GHR: variants seen among roughly 807,000 people sequenced by gnomAD.
GHR encodes growth hormone receptor, also known as GH receptor.
A neutral mutation model predicts 67.1 loss-of-function variants in GHR; 35 were observed. The observed-to-expected ratio is 0.52, with a 90% CI of 0.40 to 0.69. The LOEUF is 0.69. Ranked by LOEUF, GHR falls within the 30% of genes least tolerant of loss-of-function variation. GHR has a pLI of 0.00. For synonymous variants in GHR, 272 were observed against 269.1 expected, an observed-to-expected ratio of 1.01 and a Z score of -0.10; for missense variants, 792 against 764.6, an observed-to-expected ratio of 1.04 and a Z score of -0.42.
chr5:42,581,033 A>G (rs991800018), intron 2 of GHR, among the ~76,000 whole-genome samples: 2 of 152,218 alleles, frequency 1.3e-5, no homozygotes, highest in African/African-American at 2.4e-5. Context: ...AAAGATGAGG[A>G]TGCGTCTCTT....
chr5:42,572,103 C>A (rs898187878), intron 2 of GHR, among the ~76,000 whole-genome samples: 45 of 152,184 alleles, frequency 3.0e-4, no homozygotes, highest in African/African-American at 1.1e-3. Context: ...ATGATTTTCT[C>A]CTCACTGTGC....
intron 1 of GHR, among the ~76,000 whole-genome samples, chr5:42,464,767 G>A (rs940469252): frequency 5.9e-5 from 9 of 152,140 alleles, no homozygotes; most frequent in African/African-American, 2.2e-4. Flanking sequence ...GAATGGCTGT[G>A]TGTGCACACA....
Position 42,611,855 on chromosome 5 carries a change from T to C in GHR, c.71-17183T>C, listed in dbSNP as rs1001720083. 3.3e-5 allele frequency among the ~76,000 whole-genome samples: 5 copies of C among 152,146 alleles called. 1 individual carries two copies. Among genetic ancestry groups the C allele is most frequent in the South Asian group, 4.1e-4 (2 of 4,822 alleles). On this transcript the variant is annotated intron_variant, in intron 2 of 9. Coordinates refer to ENST00000230882, the MANE Select transcript of GHR (RefSeq NM_000163.5). ...TGATCTTCACAAAATCTTTACTGAC[T>C]CATCATTGGACTCTCAACCAATTTT...
intron 2 of GHR, among the ~76,000 whole-genome samples, chr5:42,576,109 A>AAAAT (rs1491329020): frequency 2.2e-4 from 19 of 85,988 alleles, no homozygotes; most frequent in South Asian, 1.1e-3. Context: ...TAAATAAAAT[A>AAAAT]AAATAAAATA....
At chr5:42,487,210 CACTT>C in intron 1 of GHR, among the ~76,000 whole-genome samples, 1 of 152,292 alleles carries the variant, frequency 6.6e-6, no homozygotes, top group East Asian at 1.9e-4. Flanking sequence ...TTCTGATAAT[CACTT>C]ACACTTTTCT....
chr5:42,681,230 T>G (rs572420928), intron 3 of GHR, among the ~76,000 whole-genome samples: 217 of 146,580 alleles, frequency 1.5e-3, no homozygotes, highest in African/African-American at 5.0e-3. Context: ...AGGGCTAATA[T>G]CCAGAATCTA....
intron 1 of GHR, among the ~76,000 whole-genome samples, chr5:42,485,890 T>C (rs1309574512): frequency 6.6e-6 from 1 of 152,184 alleles, no homozygotes; most frequent in Admixed American, 6.5e-5. Context: ...CTGGCACTTG[T>C]TTTAAATCTG....
intron 1 of GHR, among the ~76,000 whole-genome samples, chr5:42,472,429 T>C (rs934404372): frequency 6.6e-6 from 1 of 152,242 alleles, no homozygotes; most frequent in African/African-American, 2.4e-5. Context: ...ACATCTCAGT[T>C]AATGGCTTCA....
intron 1 of GHR, among the ~76,000 whole-genome samples, chr5:42,521,273 T>C (rs928740359): frequency 2.6e-5 from 4 of 152,332 alleles, no homozygotes; most frequent in African/African-American, 7.2e-5. Flanking sequence ...AAAATTCTTC[T>C]GTTTCTTTTG....
chr5:42,602,861 A>T (rs1752446649), intron 2 of GHR, among the ~76,000 whole-genome samples: 1 of 152,148 alleles, frequency 6.6e-6, no homozygotes, highest in Non-Finnish European at 1.5e-5. Context: ...TAATTTAGTT[A>T]TAGTTGTTTT....
At chr5:42,450,662 T>A (rs1403143173) in intron 1 of GHR, among the ~76,000 whole-genome samples, 1 of 152,140 alleles carries the variant, frequency 6.6e-6, no homozygotes, top group African/African-American at 2.4e-5. Context: ...TTATATCTTT[T>A]CTTCTGCTTT....
intron 1 of GHR, among the ~76,000 whole-genome samples, chr5:42,432,735 A>G (rs1426107658): frequency 6.6e-6 from 1 of 152,214 alleles, no homozygotes; most frequent in African/African-American, 2.4e-5. Context: ...CATCATTTTT[A>G]TACCTAGGAA....
At chr5:42,595,675 T>C (rs942491406) in intron 2 of GHR, among the ~76,000 whole-genome samples, 1 of 152,258 alleles carries the variant, frequency 6.6e-6, no homozygotes, top group Non-Finnish European at 1.5e-5. Context: ...ACTGCTTGAG[T>C]ACCTGGAGTG....
intron 6 of GHR, among the ~76,000 whole-genome samples, 158 bp from the exon 7 acceptor site, chr5:42,711,049 C>T (rs1360635108): frequency 2.0e-5 from 3 of 152,184 alleles, no homozygotes. Context: ...TTATTTACAT[C>T]AATCTTCCTT....
rs75164754 is a variant in GHR at position 42,694,294 on chromosome 5, C to A, written c.267-623C>A. 6.7e-4 allele frequency among the ~76,000 whole-genome samples: 102 copies of A among 152,254 alleles called. 1 individual carries two copies. In the East Asian group the frequency reaches 0.017, roughly 25 times the overall value. ...TCTGTCATTATGTTTTAGACATAAC[C>A]AATTCTCATTAAATGTCAATAGAAT... On this transcript the variant is annotated intron_variant, in intron 4 of 9. Coordinates refer to ENST00000230882, the MANE Select transcript of GHR (RefSeq NM_000163.5).
chr5:42,661,243 A>G (rs901077012), intron 3 of GHR, among the ~76,000 whole-genome samples: 5 of 152,200 alleles, frequency 3.3e-5, no homozygotes, highest in Non-Finnish European at 7.3e-5. Flanking sequence ...AGATTCAGGA[A>G]ATACAAAGAA....
intron 2 of GHR, among the ~76,000 whole-genome samples, chr5:42,604,090 G>A (rs1382182055): frequency 6.6e-6 from 1 of 152,196 alleles, no homozygotes; most frequent in Non-Finnish European, 1.5e-5. Flanking sequence ...AGATGTCTAG[G>A]GTAAGGTCAG....
chr5:42,465,939 T>C (rs760192245), intron 1 of GHR: 1 of 691,812 alleles, frequency 1.4e-6, no homozygotes, highest in Non-Finnish European at 2.6e-6. Flanking sequence ...TCTGGTCTTC[T>C]ATCAGTTATT....
At chr5:42,579,829 C>T (rs1359807831) in intron 2 of GHR, among the ~76,000 whole-genome samples, 1 of 151,964 alleles carries the variant, frequency 6.6e-6, no homozygotes, top group African/African-American at 2.4e-5. Flanking sequence ...ATCAATCTGC[C>T]ATATTTAAGG....
Sources: allele counts gnomAD v4.1 joint callset (sites outside exome capture counted in the v4.1 genomes callset), GRCh38; gene constraint gnomAD v4.1.1; transcripts MANE v1.5; gene names NCBI Gene and HGNC (gene_info 2026-07-23, HGNC 2026-07-21).